PDE3B: variants seen among roughly 807,000 people sequenced by gnomAD.
PDE3B encodes the protein phosphodiesterase 3B, also known as cGMP-inhibited 3',5'-cyclic phosphodiesterase 3B.
PDE3B carries 66 observed loss-of-function variants against 116.8 expected under a neutral mutation model. That is an observed-to-expected ratio of 0.56 (90% confidence interval 0.46 to 0.69). PDE3B has a LOEUF of 0.69. Ranked by LOEUF, PDE3B falls within the 30% of genes least tolerant of loss-of-function variation. The probability of loss-of-function intolerance (pLI) is 0.00; values close to 1 mark genes in which losing one functional copy is unlikely to be tolerated. For synonymous variants in PDE3B, 595 were observed against 533.6 expected (o/e 1.12, Z -1.59); for missense variants, 1,384 against 1,368.1 (o/e 1.01, Z -0.18).
chr11:14,841,351 A>C (rs886828647), intron 11 of PDE3B, among the ~76,000 whole-genome samples: 45 of 147,306 alleles, frequency 3.1e-4, no homozygotes, highest in East Asian at 9.8e-4. Flanking sequence ...CTCTCTCTAT[A>C]TATATATATA....
chr11:14,750,356 G>C (rs1034861810), intron 1 of PDE3B, among the ~76,000 whole-genome samples: 1 of 151,946 alleles, frequency 6.6e-6, no homozygotes, highest in Admixed American at 6.6e-5. Context: ...TTCTGAATGA[G>C]AGTTTATGAT....
chr11:14,887,559 T>C, the PDE3B span: 3 of 968,600 alleles, frequency 3.1e-6, no homozygotes, highest in Admixed American at 6.2e-5. Context: ...TCAATAATTT[T>C]AGTGCCAATT....
chr11:14,864,811 C>T (rs1848014284), intron 14 of PDE3B, among the ~76,000 whole-genome samples: 1 of 152,022 alleles, frequency 6.6e-6, no homozygotes, highest in Non-Finnish European at 1.5e-5. Flanking sequence ...ACACAATGTA[C>T]CAGAATCTCT....
intron 12 of PDE3B, among the ~76,000 whole-genome samples, chr11:14,846,641 G>A (rs1847609532): frequency 6.6e-6 from 1 of 152,110 alleles, no homozygotes; most frequent in East Asian, 1.9e-4. Flanking sequence ...AAGGATGGAG[G>A]AAGATCTACC....
intron 14 of PDE3B, among the ~76,000 whole-genome samples, chr11:14,866,397 T>C (rs1327195508): frequency 6.6e-6 from 1 of 152,158 alleles, no homozygotes; most frequent in African/African-American, 2.4e-5. Context: ...ATTCTAACCA[T>C]GCCCAACTTT....
intron 2 of PDE3B, among the ~76,000 whole-genome samples, chr11:14,785,325 C>T (rs1858156273): frequency 6.6e-6 from 1 of 151,958 alleles, no homozygotes; most frequent in East Asian, 1.9e-4. Context: ...TGGGCTATGC[C>T]CTGGTATCAG....
intron 1 of PDE3B, among the ~76,000 whole-genome samples, chr11:14,683,201 G>A (rs1054681127): frequency 3.9e-5 from 6 of 152,014 alleles, no homozygotes; most frequent in African/African-American, 1.4e-4. Flanking sequence ...TGGCCTCCCA[G>A]AGTGCTGGGA....
At chr11:14,858,561 G>T (rs899803256) in intron 12 of PDE3B, among the ~76,000 whole-genome samples, 1 of 152,166 alleles carries the variant, frequency 6.6e-6, no homozygotes, top group African/African-American at 2.4e-5. Context: ...TCTCAGACAG[G>T]CAGGTCTCTT....
At chr11:14,671,803 G>T (rs192439518) in intron 1 of PDE3B, among the ~76,000 whole-genome samples, 14 of 151,860 alleles carry the variant, frequency 9.2e-5, no homozygotes, top group African/African-American at 3.4e-4. Context: ...CGAGATGGGA[G>T]GATTGCATGA....
intron 1 of PDE3B, among the ~76,000 whole-genome samples, chr11:14,680,788 A>G (rs950406750): frequency 1.3e-5 from 2 of 152,022 alleles, no homozygotes; most frequent in Non-Finnish European, 2.9e-5. Flanking sequence ...TTCAAAAAAA[A>G]AAAAGGAATG....
chr11:14,732,767 T>G (rs1212731617), intron 1 of PDE3B, among the ~76,000 whole-genome samples: 3 of 152,194 alleles, frequency 2.0e-5, no homozygotes, highest in Non-Finnish European at 4.4e-5. Context: ...ATCCTGAACT[T>G]ACTGTATTTT....
chr11:14,676,117 A>G (rs1854524926), intron 1 of PDE3B, among the ~76,000 whole-genome samples: 1 of 152,094 alleles, frequency 6.6e-6, no homozygotes, highest in Admixed American at 6.6e-5. Flanking sequence ...CTTATTGACC[A>G]TTTATGTATC....
chr11:14,880,573 G>A, the PDE3B span: 2 of 1,613,312 alleles, frequency 1.2e-6, no homozygotes, highest in South Asian at 2.2e-5. Context: ...GGTTATGTTT[G>A]AAACAGCATT....
At chr11:14,699,602 A>G (rs1297751060) in intron 1 of PDE3B, among the ~76,000 whole-genome samples, 3 of 151,668 alleles carry the variant, frequency 2.0e-5, no homozygotes, top group African/African-American at 4.8e-5. Flanking sequence ...TTTATTGGAA[A>G]TGTTTGGCGT....
intron 7 of PDE3B, among the ~76,000 whole-genome samples, chr11:14,824,312 A>G (rs148362965): frequency 2.6e-5 from 4 of 152,236 alleles, no homozygotes; most frequent in African/African-American, 9.6e-5. Flanking sequence ...AATGACAGAA[A>G]TAGAATTCAG....
chr11:14,670,607 G>A (rs1292756339), intron 1 of PDE3B, among the ~76,000 whole-genome samples: 1 of 151,906 alleles, frequency 6.6e-6, no homozygotes, highest in Non-Finnish European at 1.5e-5. Context: ...ACATACCAAG[G>A]GAAGTTTTCA....
chr11:14,679,480 G>A (rs983235327), intron 1 of PDE3B, among the ~76,000 whole-genome samples: 17 of 151,934 alleles, frequency 1.1e-4, no homozygotes, highest in Admixed American at 3.3e-4. Context: ...GCCCTCCACC[G>A]GTAACATATT....
At chr11:14,803,333 C>A (rs1055575682) in intron 4 of PDE3B, among the ~76,000 whole-genome samples, 1 of 152,140 alleles carries the variant, frequency 6.6e-6, no homozygotes, top group African/African-American at 2.4e-5. Flanking sequence ...TATTTGCTTA[C>A]TGCTTGTTTT....
intron 1 of PDE3B, among the ~76,000 whole-genome samples, chr11:14,681,556 A>G (rs1237053949): frequency 2.0e-5 from 3 of 152,184 alleles, no homozygotes; most frequent in Non-Finnish European, 2.9e-5. Flanking sequence ...AGTCTCAGGT[A>G]TGTCTTTATT....
Sources: gnomAD v4.1 joint callset for allele counts (sites outside exome capture counted in the v4.1 genomes callset) on GRCh38, gnomAD v4.1.1 for gene constraint, MANE v1.5 for transcripts, NCBI Gene and HGNC (gene_info 2026-07-23, HGNC 2026-07-21) for gene names.